Variants in ASCC3 observed in about 807,000 individuals in gnomAD.
ASCC3 encodes activating signal cointegrator 1 complex subunit 3, also known as ASC-1 complex subunit P200.
ASCC3 carries 158 observed loss-of-function variants against 256.3 expected under a neutral mutation model. The observed-to-expected ratio is 0.62, with a 90% confidence interval of 0.54 to 0.70. ASCC3 has a LOEUF of 0.70. Ranked by LOEUF, ASCC3 falls within the 30% of genes least tolerant of loss-of-function variation. The pLI is 0.00. For missense variants in ASCC3, 2,259 were observed against 2,626.0 expected, an observed-to-expected ratio of 0.86 and a Z score of 3.05; for synonymous variants, 948 against 883.4, an observed-to-expected ratio of 1.07 and a Z score of -1.30.
chr6:100,848,369 G>C lies in ASCC3; in HGVS notation c.580C>G (p.Leu194Val), dbSNP rs1366306051. ...TCATTCAGAAACTTCTTATAATCTA[G>C]GCTTATAGTTTTCTGAGTTTCACCA... ...INGETQKTIS[L>V]DYKKFLNEHL... Residue 194 changes from leucine (L) to valine (V), a missense_variant, in exon 4 of 42, where the codon CTA (leucine) becomes GTA (valine). By Grantham distance (32) the Leu-to-Val change is conservative (BLOSUM62 1). This residue lies in a region of ASCC3 where 420 missense variants were observed against 419.3 expected (regional missense o/e 1.00). Transcript: ENST00000369162. The C allele has an allele frequency of 3.7e-6, 6 of 1,613,856 alleles. No individual in the cohort carries two copies. The highest frequency in any genetic ancestry group is 4.2e-6 in the Non-Finnish European group (5 of 1,179,976).
At chr6:100,837,753 G>C (rs1341837297) in intron 4 of ASCC3, among the ~76,000 whole-genome samples, 1 of 152,012 alleles carries the variant, frequency 6.6e-6, no homozygotes, top group Admixed American at 6.6e-5. Context: ...GGGAGAACAA[G>C]GAGAGTTTGG....
chr6:100,831,040 G>GTCT (rs1431790556), intron 4 of ASCC3, among the ~76,000 whole-genome samples: 1 of 151,948 alleles, frequency 6.6e-6, no homozygotes, highest in Non-Finnish European at 1.5e-5. Context: ...TTAACCCTAA[G>GTCT]TAGAAAGGGT....
At chr6:100,670,059 T>C (rs940935818) in intron 14 of ASCC3, among the ~76,000 whole-genome samples, 1 of 151,936 alleles carries the variant, frequency 6.6e-6, no homozygotes, top group Non-Finnish European at 1.5e-5. Flanking sequence ...AAAAAGTTTA[T>C]GTAACCTATA....
intron 14 of ASCC3, among the ~76,000 whole-genome samples, chr6:100,668,324 A>T (rs1370491862): frequency 6.6e-6 from 1 of 152,120 alleles, no homozygotes; most frequent in Non-Finnish European, 1.5e-5. Flanking sequence ...GTTTAAAAGA[A>T]TCAGAAAAGA....
Position 100,629,130 on chromosome 6 carries a change from C to T in ASCC3, c.4260G>A (p.Lys1420=). The change falls in exon 27 of 42, where the codon AAG becomes AAA. Residue 1420 remains lysine, a synonymous_variant. Transcript: ENST00000369162. ...DVTPDMKSIA[K]ADLIVTTPEK... ...CTGGCGTAGTGACGATAAGGTCAGC[C>T]TTGGCAATGGATTTCATATCAGGAG... 1 of 1,613,730 alleles carries T rather than the reference C, an allele frequency of 6.2e-7. No homozygotes were observed. The highest frequency in any genetic ancestry group is 2.2e-5 in the East Asian group (1 of 44,852).
At chr6:100,785,881 T>C (rs560604001) in intron 8 of ASCC3, among the ~76,000 whole-genome samples, 1 of 152,228 alleles carries the variant, frequency 6.6e-6, no homozygotes, top group South Asian at 2.1e-4. Context: ...ATAAATAAGA[T>C]GTTATTACTG....
intron 37 of ASCC3, among the ~76,000 whole-genome samples, chr6:100,520,505 CCAACAAGTCT>C (rs1774251685): frequency 6.6e-6 from 1 of 151,754 alleles, no homozygotes; most frequent in East Asian, 1.9e-4. Flanking sequence ...TCCTATTCAT[CCAACAAGTCT>C]CATTCAAATG....
chr6:100,678,571 AT>A lies in ASCC3; in HGVS notation c.2286+1046del, dbSNP rs542916128. On this transcript the variant is annotated intron_variant, in intron 14 of 41. Transcript: ENST00000369162. ...CAATTAAATATATTTTACTAGGATA[AT>A]AAATATAAAAGGGCATAGCACAATG... is the stretch of plus-strand genomic sequence containing the variant. Among the ~76,000 whole-genome samples, 58 of 152,204 alleles carry A rather than the reference AT, an allele frequency of 3.8e-4. 2 individuals are homozygous for A. Among genetic ancestry groups the A allele is most frequent in the African/African-American group, 1.4e-3 (57 of 41,570 alleles).
intron 34 of ASCC3, among the ~76,000 whole-genome samples, chr6:100,601,560 C>T (rs373078075): frequency 7.2e-5 from 11 of 151,986 alleles, no homozygotes; most frequent in African/African-American, 2.7e-4. Flanking sequence ...TCTCATGTCT[C>T]AATTACAGAG....
At chr6:100,727,808 A>G (rs761303122) in intron 10 of ASCC3, among the ~76,000 whole-genome samples, 5 of 152,120 alleles carry the variant, frequency 3.3e-5, no homozygotes, top group African/African-American at 4.8e-5. Flanking sequence ...AGAGAAATAA[A>G]TCAAAATAGT....
Position 100,662,297 on chromosome 6 carries a change from C to T in ASCC3, c.2478+48G>A, listed in dbSNP as rs1449334971. On this transcript the variant is annotated intron_variant, in intron 15 of 41. Transcript: ENST00000369162. ...CTATGTAAGTCAACCCAGAGCCTTG[C>T]TTTAAGACACACACAAAATCCATTT... The T allele has an allele frequency of 3.2e-6, 5 of 1,582,930 alleles. No individual in the cohort carries two copies. The East Asian group carries it at 1.1e-4, about 36-fold the overall frequency.
intron 36 of ASCC3, among the ~76,000 whole-genome samples, chr6:100,546,630 A>G (rs1464778231): frequency 6.6e-6 from 1 of 152,174 alleles, no homozygotes; most frequent in Non-Finnish European, 1.5e-5. Context: ...GTTGCTGTCA[A>G]TAAGAAATTT....
intron 14 of ASCC3, among the ~76,000 whole-genome samples, chr6:100,678,682 A>G (rs1777145066): frequency 6.6e-6 from 1 of 152,104 alleles, no homozygotes; most frequent in Non-Finnish European, 1.5e-5. Context: ...CTATCATTTT[A>G]TGCCAACAGA....
chr6:100,639,441 T>C (rs1053001048), intron 24 of ASCC3, among the ~76,000 whole-genome samples: 3 of 152,126 alleles, frequency 2.0e-5, no homozygotes, highest in African/African-American at 7.2e-5. Context: ...CAAAATAATT[T>C]AGAGAAACAG....
At chr6:100,878,320 C>T (rs1769091161) in intron 1 of ASCC3, among the ~76,000 whole-genome samples, 1 of 152,134 alleles carries the variant, frequency 6.6e-6, no homozygotes, top group Non-Finnish European at 1.5e-5. Context: ...CTAGGTTTCC[C>T]ATTCAAAGGT....
chr6:100,644,217 G>A, intron 22 of ASCC3, 88 bp from the exon 23 acceptor site: 1 of 863,902 alleles, frequency 1.2e-6, no homozygotes, highest in Non-Finnish European at 2.0e-6. Context: ...AAGCTTTATT[G>A]ATATATCATT....
chr6:100,758,628 C>A (rs1013164072), intron 10 of ASCC3, among the ~76,000 whole-genome samples: 1 of 152,140 alleles, frequency 6.6e-6, no homozygotes, highest in East Asian at 1.9e-4. Context: ...TTTCTTTATC[C>A]AGTCTACCAT....
chr6:100,536,247 A>C (rs1258746810), intron 37 of ASCC3, among the ~76,000 whole-genome samples: 1 of 152,204 alleles, frequency 6.6e-6, no homozygotes, highest in Non-Finnish European at 1.5e-5. Flanking sequence ...TACAGGTAGA[A>C]AGAGGAGTTA....
At chr6:100,704,743 T>C (rs1420980950) in intron 13 of ASCC3, among the ~76,000 whole-genome samples, 2 of 151,996 alleles carry the variant, frequency 1.3e-5, no homozygotes, top group Non-Finnish European at 2.9e-5. Context: ...AAGAAGACTT[T>C]TTTTGTCTTT....
Sources: gnomAD v4.1 joint callset for allele counts (sites outside exome capture counted in the v4.1 genomes callset) on GRCh38, gnomAD v4.1.1 for gene constraint, gnomAD v4.1.1 regional missense constraint, MANE v1.5 for transcripts, NCBI Gene and HGNC (gene_info 2026-07-23, HGNC 2026-07-21) for gene names.